Variants in RFFL observed in about 807,000 individuals in gnomAD.
The protein encoded by RFFL is E3 ubiquitin-protein ligase rififylin.
Under a neutral mutation model 40.4 loss-of-function variants are expected in RFFL, and 16 were observed. The ratio of observed to expected loss-of-function variants is 0.40; its 90% CI spans 0.27 to 0.60. RFFL has a LOEUF of 0.60. Ranked by LOEUF, RFFL falls within the 20% of genes least tolerant of loss-of-function variation. The pLI is 0.47. For missense variants in RFFL, 367 were observed against 451.7 expected (o/e 0.81, Z 1.70); for synonymous variants, 154 against 167.9 (o/e 0.92, Z 0.64).
intron 1 of RFFL, among the ~76,000 whole-genome samples, chr17:35,032,822 G>A (rs1477983033): frequency 6.6e-6 from 1 of 152,038 alleles, no homozygotes; most frequent in African/African-American, 2.4e-5. Flanking sequence ...TCAGAGCAGG[G>A]GGAACTGGAA....
chr17:35,027,952 G>C (rs1364618609), intron 1 of RFFL, among the ~76,000 whole-genome samples: 1 of 150,868 alleles, frequency 6.6e-6, no homozygotes, highest in Non-Finnish European at 1.5e-5. Context: ...AGAATTGCTT[G>C]AACTCATGAG....
intron 1 of RFFL, among the ~76,000 whole-genome samples, chr17:35,085,066 C>A (rs1231784978): frequency 6.6e-6 from 1 of 152,178 alleles, no homozygotes; most frequent in Non-Finnish European, 1.5e-5. Flanking sequence ...CAGTCAAAAT[C>A]TCCAGGAAGT....
Position 35,011,937 on chromosome 17 carries a change from T to C in RFFL, c.*31A>G, listed in dbSNP as rs1334884396. 7 of 1,607,710 alleles carry C rather than the reference T, an allele frequency of 4.4e-6. No individual in the cohort carries two copies. Among genetic ancestry groups the C allele is most frequent in the Admixed American group, 1.7e-5 (1 of 59,826 alleles). ...GCCCAGACACCCCAGGCTATTTCCC[T>C]GTAAGGCACTGAAGAAACCGATGCA... On this transcript the variant is annotated 3_prime_UTR_variant, in exon 7 of 7. Coordinates refer to ENST00000394597, the MANE Select transcript of RFFL (RefSeq NM_001017368.2).
intron 5 of RFFL, among the ~76,000 whole-genome samples, chr17:35,015,390 A>C (rs569949128): frequency 6.6e-6 from 1 of 152,366 alleles, no homozygotes; most frequent in South Asian, 2.1e-4. Flanking sequence ...AGAATGAACT[A>C]TCTAGCTGTT....
At chr17:35,082,611 T>C (rs1488422303) in intron 1 of RFFL, among the ~76,000 whole-genome samples, 1 of 152,232 alleles carries the variant, frequency 6.6e-6, no homozygotes, top group Non-Finnish European at 1.5e-5. Flanking sequence ...ACTGAATAGA[T>C]ATTCCTGGAA....
At chr17:35,079,610 A>AT (rs1352003060) in intron 1 of RFFL, among the ~76,000 whole-genome samples, 3 of 152,158 alleles carry the variant, frequency 2.0e-5, no homozygotes, top group Non-Finnish European at 4.4e-5. Context: ...AATGTCCCCC[A>AT]TTAATTGGTG....
At position 35,021,589 on chromosome 17, in the gene RFFL, C is replaced by T. The variant is rs775339491; in HGVS notation, c.373G>A (p.Glu125Lys). ...LHDISTEMCR[E>K]KEELVLLVLG... Reference sequence around the variant, plus strand: ...ACCAAGAGCACCAGCTCTTCTTTCTCCCGGCACATTTCGGTAGAGATGTCA... The same window carrying T: ...ACCAAGAGCACCAGCTCTTCTTTCTTCCGGCACATTTCGGTAGAGATGTCA... Residue 125 changes from glutamate to lysine, a missense_variant, in exon 3 of 7, where the codon GAG (glutamate) becomes AAG (lysine). Glu to Lys is a moderately conservative substitution (Grantham distance 56, BLOSUM62 1). Coordinates refer to ENST00000394597, the MANE Select transcript of RFFL (RefSeq NM_001017368.2). 3 of 1,614,226 alleles carry T rather than the reference C, an allele frequency of 1.9e-6. No homozygotes were observed. The highest frequency in any genetic ancestry group is 1.7e-6 in the Non-Finnish European group (2 of 1,180,038).
rs183654601 is a variant in RFFL at position 35,035,997 on chromosome 17, C to T, written c.-8-9436G>A. ...GAATTACAGGCATGAGCACCATGCC[C>T]GGCCACTCTGACAGATATTTAAATA... On this transcript the variant is annotated intron_variant, in intron 1 of 6. Transcript: ENST00000394597. Among the ~76,000 whole-genome samples, 28 of 152,130 alleles carry T rather than the reference C, an allele frequency of 1.8e-4. No homozygotes were observed. The East Asian group carries it at 4.6e-3, about 25-fold the overall frequency.
intron 1 of RFFL, among the ~76,000 whole-genome samples, chr17:35,060,603 T>C (rs927293295): frequency 1.3e-5 from 2 of 152,236 alleles, no homozygotes; most frequent in African/African-American, 4.8e-5. Context: ...AATGTCGTGA[T>C]ATTGCGGGAC....
At chr17:35,074,021 C>T (rs2091363995) in intron 1 of RFFL, 1 of 152,080 alleles carries the variant, frequency 6.6e-6, no homozygotes, top group African/African-American at 2.4e-5. Context: ...CAAGTAGGCC[C>T]ATGTAGTTTT....
At position 35,011,428 on chromosome 17, in the gene RFFL, C is replaced by T. The variant is rs16970540; in HGVS notation, c.*540G>A. The T allele has an allele frequency of 0.1, 15,363 of 153,766 alleles. 772 individuals carry two copies. The highest frequency in any genetic ancestry group is 0.14 in the South Asian group (703 of 4,934). 9.5% of individuals were successfully genotyped at this position (153,766 alleles called of 1,614,324 possible). Reference sequence around the variant, plus strand: ...TAAAATCTGTCCTAAGGACCACTATCGGTCTGGTAAACTAACATTTTTGGT... The same window carrying T: ...TAAAATCTGTCCTAAGGACCACTATTGGTCTGGTAAACTAACATTTTTGGT... On this transcript the variant is annotated 3_prime_UTR_variant, in exon 7 of 7. Coordinates refer to ENST00000394597, the MANE Select transcript of RFFL (RefSeq NM_001017368.2).
intron 1 of RFFL, among the ~76,000 whole-genome samples, chr17:35,072,131 A>C (rs2091353871): frequency 6.6e-6 from 1 of 151,810 alleles, no homozygotes; most frequent in Non-Finnish European, 1.5e-5. Context: ...AAATACAAAA[A>C]TTAGCTGGGT....
chr17:35,054,592 A>G (rs1175185809), intron 1 of RFFL, among the ~76,000 whole-genome samples: 1 of 151,560 alleles, frequency 6.6e-6, no homozygotes, highest in Non-Finnish European at 1.5e-5. Flanking sequence ...TAGAAAAATC[A>G]GAAGACTTTA....
At position 35,053,490 on chromosome 17, in the gene RFFL, C is replaced by T. The variant is rs549953717; in HGVS notation, c.-9+10086G>A. Among the ~76,000 whole-genome samples, 3 of 152,260 alleles carry T rather than the reference C, an allele frequency of 2.0e-5. No individual in the cohort carries two copies. In the South Asian group the frequency reaches 6.2e-4, roughly 32 times the overall value. Reference sequence around the variant, plus strand: ...TCTGCAGTGGAACAAGGTTATTTCACAAAGCTTAGATGGGTACAGCATATA... The same window carrying T: ...TCTGCAGTGGAACAAGGTTATTTCATAAAGCTTAGATGGGTACAGCATATA... On this transcript the variant is annotated intron_variant, in intron 1 of 6. Transcript: ENST00000394597.
intron 1 of RFFL, among the ~76,000 whole-genome samples, chr17:35,042,781 C>A (rs1212091275): frequency 7.9e-6 from 1 of 126,786 alleles, no homozygotes. Flanking sequence ...GCTGAGATCA[C>A]ATCACTGCAC....
intron 1 of RFFL, among the ~76,000 whole-genome samples, chr17:35,028,539 T>C (rs2091059032): frequency 6.6e-6 from 1 of 152,068 alleles, no homozygotes. Context: ...AGTATGTTTT[T>C]CTCAGTAGAC....
At chr17:35,078,780 C>T (rs1347344989) in intron 1 of RFFL, among the ~76,000 whole-genome samples, 1 of 151,938 alleles carries the variant, frequency 6.6e-6, no homozygotes, top group African/African-American at 2.4e-5. Context: ...AGGAGTTCGA[C>T]ACCAGCCTGG....
intron 1 of RFFL, among the ~76,000 whole-genome samples, chr17:35,043,545 C>T (rs2091179623): frequency 6.6e-6 from 1 of 152,190 alleles, no homozygotes; most frequent in Non-Finnish European, 1.5e-5. Context: ...ACTAGAGCCT[C>T]TTCTCTCCTC....
At chr17:35,070,339 C>A (rs1307546663) in intron 1 of RFFL, among the ~76,000 whole-genome samples, 1 of 152,032 alleles carries the variant, frequency 6.6e-6, no homozygotes, top group Non-Finnish European at 1.5e-5. Flanking sequence ...CTGGCTAATT[C>A]TTTTATTATT....
Sources: allele counts gnomAD v4.1 joint callset (sites outside exome capture counted in the v4.1 genomes callset), GRCh38; gene constraint gnomAD v4.1.1; transcripts MANE v1.5; gene names NCBI Gene and HGNC (gene_info 2026-07-23, HGNC 2026-07-21).